Variants in RASEF observed in about 807,000 individuals in gnomAD.
The protein encoded by RASEF is ras and EF-hand domain-containing protein.
Under a neutral mutation model 90.1 loss-of-function variants are expected in RASEF, and 68 were observed. The observed-to-expected ratio is 0.75, with a 90% CI of 0.62 to 0.92. The LOEUF (loss-of-function observed/expected upper bound fraction) is 0.92, where lower values mean the gene tolerates loss of function less well. RASEF is among the 40% of genes least tolerant of loss of function. The pLI is 0.00. For synonymous variants in RASEF, 331 were observed against 345.2 expected (o/e 0.96, Z 0.46); for missense variants, 949 against 937.2 (o/e 1.01, Z -0.16).
chr9:83,126,480 A>G, the RASEF span, among the ~76,000 whole-genome samples: 6 of 152,150 alleles, frequency 3.9e-5, no homozygotes, highest in African/African-American at 1.2e-4. Flanking sequence ...GCCCAAGCAG[A>G]CTCAGAAATC....
chr9:83,025,241 G>A (rs984568372), intron 2 of RASEF, among the ~76,000 whole-genome samples: 7 of 152,188 alleles, frequency 4.6e-5, no homozygotes, highest in Non-Finnish European at 1.0e-4. Context: ...AGGAGGGCTA[G>A]AGAGTAGAGA....
At chr9:83,027,507 G>C (rs189080360) in intron 1 of RASEF, among the ~76,000 whole-genome samples, 1 of 152,270 alleles carries the variant, frequency 6.6e-6, no homozygotes, top group African/African-American at 2.4e-5. Context: ...CTGTATTCCA[G>C]GAAGATGGGA....
chr9:83,111,440 T>C, the RASEF span, among the ~76,000 whole-genome samples: 2 of 152,148 alleles, frequency 1.3e-5, no homozygotes, highest in Admixed American at 6.6e-5. Context: ...CATGGTACTA[T>C]AGTTTAATAA....
At chr9:83,113,390 A>G in the RASEF span, among the ~76,000 whole-genome samples, 7 of 152,208 alleles carry the variant, frequency 4.6e-5, no homozygotes, top group Non-Finnish European at 1.0e-4. Context: ...ATTGTAAAAC[A>G]TGTGTGTTTG....
chr9:83,095,182 A>G, the RASEF span, among the ~76,000 whole-genome samples: 1 of 152,136 alleles, frequency 6.6e-6, no homozygotes, highest in African/African-American at 2.4e-5. Flanking sequence ...CCTAGAAGGT[A>G]GCTGTATAAG....
the RASEF span, among the ~76,000 whole-genome samples, chr9:83,120,128 A>G: frequency 1.3e-5 from 2 of 152,200 alleles, no homozygotes; most frequent in African/African-American, 4.8e-5. Context: ...CAACTGCTGG[A>G]GGAATTATCT....
the RASEF span, among the ~76,000 whole-genome samples, chr9:83,070,979 C>A: frequency 3.3e-5 from 5 of 152,098 alleles, no homozygotes; most frequent in Non-Finnish European, 5.9e-5. Flanking sequence ...ATTCTGAGGC[C>A]TTGCTAAACT....
intron 1 of RASEF, among the ~76,000 whole-genome samples, chr9:83,035,247 T>G (rs1829718061): frequency 6.6e-6 from 1 of 152,232 alleles, no homozygotes; most frequent in African/African-American, 2.4e-5. Context: ...TGCAACTATT[T>G]AGCCCTATCA....
At chr9:83,104,720 T>C in the RASEF span, among the ~76,000 whole-genome samples, 1 of 152,210 alleles carries the variant, frequency 6.6e-6, no homozygotes, top group Non-Finnish European at 1.5e-5. Context: ...ACATTCTTGG[T>C]AGGATGTATC....
the RASEF span, among the ~76,000 whole-genome samples, chr9:83,199,593 A>G: frequency 1.3e-5 from 2 of 152,202 alleles, no homozygotes; most frequent in African/African-American, 4.8e-5. Flanking sequence ...TTCTTTCCAC[A>G]TCCAAATCAG....
chr9:83,084,634 T>A, the RASEF span, among the ~76,000 whole-genome samples: 1 of 152,222 alleles, frequency 6.6e-6, no homozygotes, highest in Non-Finnish European at 1.5e-5. Context: ...CAATTTGCTC[T>A]CATCTGGAGT....
chr9:83,099,797 T>C, the RASEF span, among the ~76,000 whole-genome samples: 1 of 152,196 alleles, frequency 6.6e-6, no homozygotes, highest in South Asian at 2.1e-4. Context: ...TGAGCTTGCA[T>C]ACATTAGTGC....
the RASEF span, among the ~76,000 whole-genome samples, chr9:83,116,615 A>G: frequency 8.5e-5 from 13 of 152,176 alleles, no homozygotes; most frequent in African/African-American, 3.1e-4. Flanking sequence ...GAGGTTTTAT[A>G]TACATTCTCT....
At chr9:83,040,228 C>T (rs1829813575) in intron 1 of RASEF, among the ~76,000 whole-genome samples, 1 of 152,144 alleles carries the variant, frequency 6.6e-6, no homozygotes. Flanking sequence ...GAATACACTC[C>T]ACCTCAGGTT....
intron 1 of RASEF, among the ~76,000 whole-genome samples, chr9:83,056,467 A>G (rs969224041): frequency 6.6e-6 from 1 of 152,274 alleles, no homozygotes; most frequent in Non-Finnish European, 1.5e-5. Context: ...ACATGAAGCA[A>G]GAAGGCATAC....
At chr9:83,092,828 C>T in the RASEF span, among the ~76,000 whole-genome samples, 17 of 152,038 alleles carry the variant, frequency 1.1e-4, no homozygotes, top group Middle Eastern at 3.4e-3. Flanking sequence ...CAAAGGTTCT[C>T]CACCTCCCCA....
chr9:83,116,048 A>G, the RASEF span, among the ~76,000 whole-genome samples: 1 of 152,162 alleles, frequency 6.6e-6, no homozygotes, highest in Non-Finnish European at 1.5e-5. Flanking sequence ...TGTAGTGGAG[A>G]TTTGAAACCA....
chr9:83,090,908 G>T, the RASEF span, among the ~76,000 whole-genome samples: 2 of 151,836 alleles, frequency 1.3e-5, no homozygotes, highest in Admixed American at 6.6e-5. Flanking sequence ...TTATTCCAGA[G>T]AATAATAATA....
At chr9:83,020,302 C>A (rs1829417828) in intron 3 of RASEF, among the ~76,000 whole-genome samples, 1 of 152,110 alleles carries the variant, frequency 6.6e-6, no homozygotes, top group Admixed American at 6.5e-5. Flanking sequence ...AAGAAAACAG[C>A]TGGAGCCAAA....
Sources: gnomAD v4.1 joint callset for allele counts (sites outside exome capture counted in the v4.1 genomes callset) on GRCh38, gnomAD v4.1.1 for gene constraint, MANE v1.5 for transcripts, NCBI Gene and HGNC (gene_info 2026-07-23, HGNC 2026-07-21) for gene names.